The following CD96 variants were observed in gnomAD, a reference collection of about 807,000 sequenced individuals.
CD96 encodes the protein CD96 molecule.
CD96 carries 70 observed loss-of-function variants against 71.3 expected under a neutral mutation model. The observed-to-expected ratio is 0.98, with a 90% CI of 0.81 to 1.20. CD96 has a LOEUF of 1.20. Among genes scored for constraint, CD96 ranks in the 50% most tolerant of loss-of-function variants. The pLI is 0.00. For missense variants in CD96, 742 were observed against 677.5 expected (o/e 1.10, Z -1.06); for synonymous variants, 248 against 233.0 (o/e 1.06, Z -0.59).
intron 10 of CD96, among the ~76,000 whole-genome samples, chr3:111,629,586 T>C (rs1938955957): frequency 6.6e-6 from 1 of 152,108 alleles, no homozygotes; most frequent in African/African-American, 2.4e-5. Context: ...AACACCCCAG[T>C]GAAAATATTA....
chr3:111,578,239 CA>C, intron 3 of CD96, among the ~76,000 whole-genome samples: 1 of 152,124 alleles, frequency 6.6e-6, no homozygotes, highest in South Asian at 2.1e-4. Context: ...GGAGTTTGTC[CA>C]AAAAAATTCC....
chr3:111,637,058 A>G, intron 10 of CD96, 138 bp from the exon 11 acceptor site: 1 of 684,142 alleles, frequency 1.5e-6, no homozygotes, highest in African/African-American at 1.8e-5. Context: ...ATTCTTGTGT[A>G]TGCTATGGAA....
At chr3:111,639,565 AG>A (rs1939498581) in intron 12 of CD96, among the ~76,000 whole-genome samples, 1 of 152,180 alleles carries the variant, frequency 6.6e-6, no homozygotes, top group Non-Finnish European at 1.5e-5. Flanking sequence ...TGAAAGACAA[AG>A]GGCATATAAT....
At chr3:111,595,712 T>C (rs1205404679) in intron 5 of CD96, among the ~76,000 whole-genome samples, 4 of 150,716 alleles carry the variant, frequency 2.7e-5, no homozygotes, top group African/African-American at 9.7e-5. Flanking sequence ...ATATATTATA[T>C]ATATACATAC....
chr3:111,574,178 C>T (rs1354458236), intron 3 of CD96, among the ~76,000 whole-genome samples: 1 of 152,176 alleles, frequency 6.6e-6, no homozygotes, highest in Non-Finnish European at 1.5e-5. Flanking sequence ...CCAGCTCTGA[C>T]ATGGAGCTGG....
intron 14 of CD96, among the ~76,000 whole-genome samples, chr3:111,660,395 G>A (rs944624384): frequency 6.6e-6 from 1 of 152,138 alleles, no homozygotes; most frequent in Admixed American, 6.5e-5. Flanking sequence ...AACATGCCAT[G>A]CTCATAGATT....
At chr3:111,628,945 T>C (rs1460627440) in intron 10 of CD96, among the ~76,000 whole-genome samples, 4 of 152,282 alleles carry the variant, frequency 2.6e-5, no homozygotes, top group Non-Finnish European at 4.4e-5. Context: ...ATAATATCCT[T>C]TTCAGACAAG....
At chr3:111,641,307 A>T (rs1474365982) in intron 12 of CD96, among the ~76,000 whole-genome samples, 10 of 152,260 alleles carry the variant, frequency 6.6e-5, no homozygotes, top group Non-Finnish European at 1.5e-5. Flanking sequence ...GGAAAAAGGC[A>T]TTTCATGCCA....
intron 8 of CD96, 57 bp from the exon 9 acceptor site, chr3:111,623,697 G>A (rs1266859271): frequency 4.6e-6 from 5 of 1,078,320 alleles, no homozygotes; most frequent in Non-Finnish European, 7.2e-6. Context: ...TAGTGGCACA[G>A]TTAAACATAC....
intron 13 of CD96, among the ~76,000 whole-genome samples, chr3:111,648,712 T>G (rs1249000755): frequency 6.6e-6 from 1 of 152,010 alleles, no homozygotes; most frequent in East Asian, 1.9e-4. Flanking sequence ...GTTTGTTTTA[T>G]ATGGAGATGA....
chr3:111,602,721 C>A (rs1205789498), intron 7 of CD96, among the ~76,000 whole-genome samples: 4 of 152,154 alleles, frequency 2.6e-5, no homozygotes, highest in African/African-American at 9.7e-5. Context: ...CCGGAGTAAA[C>A]TTCTGATGTG....
At chr3:111,556,941 T>G (rs1331548891) in intron 2 of CD96, among the ~76,000 whole-genome samples, 12 of 115,192 alleles carry the variant, frequency 1.0e-4, no homozygotes, top group South Asian at 2.9e-4. Context: ...TGATTTGCAT[T>G]TCTCTGATGG....
chr3:111,649,473 T>C (rs1217437098), intron 13 of CD96, among the ~76,000 whole-genome samples: 2 of 152,254 alleles, frequency 1.3e-5, no homozygotes, highest in East Asian at 1.9e-4. Flanking sequence ...AATAATGTTA[T>C]GATAAAAATT....
intron 3 of CD96, among the ~76,000 whole-genome samples, chr3:111,573,467 T>G (rs1053812940): frequency 1.3e-5 from 2 of 152,164 alleles, no homozygotes; most frequent in South Asian, 4.1e-4. Flanking sequence ...AAAGGTTATA[T>G]CTGAGCTGGA....
At chr3:111,553,427 CT>C (rs1192151996) in intron 2 of CD96, among the ~76,000 whole-genome samples, 53 of 123,182 alleles carry the variant, frequency 4.3e-4, no homozygotes, top group Non-Finnish European at 5.7e-4. Flanking sequence ...TTTAGGTTTT[CT>C]TTTTTCTTTT....
chr3:111,622,573 C>T (rs1161341391), intron 8 of CD96, among the ~76,000 whole-genome samples: 1 of 152,136 alleles, frequency 6.6e-6, no homozygotes, highest in Non-Finnish European at 1.5e-5. Flanking sequence ...GATTTGATTG[C>T]CCATGTTCTC....
chr3:111,555,665 T>G (rs1481823740), intron 2 of CD96, among the ~76,000 whole-genome samples: 5 of 152,308 alleles, frequency 3.3e-5, no homozygotes, highest in Non-Finnish European at 7.3e-5. Flanking sequence ...TTAGTCTTTC[T>G]TTTTGGCTTC....
intron 7 of CD96, 86 bp from the exon 8 acceptor site, chr3:111,606,614 G>T: frequency 1.3e-6 from 1 of 771,792 alleles, no homozygotes. Context: ...AATAAATAAA[G>T]GAAAGTGTAT....
chr3:111,598,167 C>A lies in CD96; in HGVS notation c.855C>A (p.Ile285=). The change falls in exon 6 of 14, where the codon ATC becomes ATA. Residue 285 remains isoleucine (I), a synonymous_variant. Coordinates refer to ENST00000352690, the MANE Select transcript of CD96 (RefSeq NM_005816.5). The part of the protein sequence containing the change: ...LLKNVFPKAN[I]TWFIDGSFLH... The stretch of plus-strand genomic sequence containing the variant: ...AGAATGTATTTCCCAAAGCAAATAT[C>A]ACATGGTTTATAGATGGAAGTTTTC... The A allele has an allele frequency of 6.7e-7, 1 of 1,498,222 alleles. No homozygotes were observed. Among genetic ancestry groups the A allele is most frequent in the Non-Finnish European group, 9.3e-7 (1 of 1,075,066 alleles). The allele number at this position is 1,498,222 out of a possible 1,614,324, so 92.8% of individuals were successfully genotyped here. A position where few individuals can be genotyped will look rare whatever the true frequency, so the allele number is the denominator to read the frequency against.
Sources: allele counts gnomAD v4.1 joint callset (sites outside exome capture counted in the v4.1 genomes callset), GRCh38; gene constraint gnomAD v4.1.1; transcripts MANE v1.5; gene names NCBI Gene and HGNC (gene_info 2026-07-23, HGNC 2026-07-21).